Variants in TENM2 observed in about 807,000 individuals in gnomAD.
TENM2 encodes teneurin-2.
In TENM2, 52 loss-of-function variants were observed where a neutral mutation model predicts 245.2. The observed-to-expected ratio is 0.21, with a 90% CI of 0.17 to 0.27. TENM2 has a LOEUF of 0.27. Among genes scored for constraint, TENM2 ranks in the 10% least tolerant of loss-of-function variants. The probability of loss-of-function intolerance (pLI) is 1.00; values close to 1 mark genes in which losing one functional copy is unlikely to be tolerated. For synonymous variants in TENM2, 1,363 were observed against 1,438.9 expected (o/e 0.95, Z 1.19); for missense variants, 3,046 against 3,666.8 (o/e 0.83, Z 4.37).
the TENM2 span, among the ~76,000 whole-genome samples, chr5:167,150,135 G>A: frequency 6.6e-6 from 1 of 152,128 alleles, no homozygotes; most frequent in Admixed American, 6.5e-5. Context: ...CTGTGGGCCT[G>A]TGAGTCTTGA....
At chr5:167,033,967 C>T in the TENM2 span, among the ~76,000 whole-genome samples, 1 of 152,064 alleles carries the variant, frequency 6.6e-6, no homozygotes, top group African/African-American at 2.4e-5. Flanking sequence ...TTGTAGAACC[C>T]AGAGATTTTT....
At chr5:167,317,212 G>C (rs1756416000) in intron 1 of TENM2, among the ~76,000 whole-genome samples, 1 of 152,070 alleles carries the variant, frequency 6.6e-6, no homozygotes, top group Non-Finnish European at 1.5e-5. Context: ...CCCTTCAGTA[G>C]GTTCATGATT....
At chr5:167,962,141 T>C (rs1284844203) in intron 4 of TENM2, among the ~76,000 whole-genome samples, 1 of 152,226 alleles carries the variant, frequency 6.6e-6, no homozygotes, top group Non-Finnish European at 1.5e-5. Flanking sequence ...TTCCAGAATT[T>C]ACTTTCTGGT....
chr5:168,178,897 G>A (rs1383679153), intron 13 of TENM2, among the ~76,000 whole-genome samples: 1 of 152,112 alleles, frequency 6.6e-6, no homozygotes, highest in African/African-American at 2.4e-5. Flanking sequence ...GGCTTCGGGA[G>A]GCCGAGGCGG....
At chr5:167,264,833 A>G in the TENM2 span, among the ~76,000 whole-genome samples, 1 of 152,176 alleles carries the variant, frequency 6.6e-6, no homozygotes, top group African/African-American at 2.4e-5. Context: ...AGCAAGTTAA[A>G]CTGGCAGACT....
intron 3 of TENM2, among the ~76,000 whole-genome samples, chr5:167,901,486 T>C (rs1448731665): frequency 1.3e-5 from 2 of 152,194 alleles, no homozygotes; most frequent in Non-Finnish European, 2.9e-5. Flanking sequence ...GGTCTAGAGT[T>C]TGGGTTCTGA....
chr5:168,240,682 T>C (rs537304537), intron 25 of TENM2, among the ~76,000 whole-genome samples: 5 of 151,818 alleles, frequency 3.3e-5, no homozygotes, highest in African/African-American at 9.7e-5. Context: ...TGTTCAATAA[T>C]TAATAAATGC....
intron 3 of TENM2, among the ~76,000 whole-genome samples, chr5:167,935,947 G>A (rs931669080): frequency 3.3e-5 from 5 of 151,890 alleles, no homozygotes; most frequent in African/African-American, 7.2e-5. Flanking sequence ...ATATGTTGCC[G>A]AGCTGTGAGC....
At chr5:167,397,290 A>G (rs1226071950) in intron 2 of TENM2, among the ~76,000 whole-genome samples, 2 of 152,130 alleles carry the variant, frequency 1.3e-5, no homozygotes, top group Non-Finnish European at 2.9e-5. Flanking sequence ...AAACTCAAAA[A>G]AAATGAAAGA....
At chr5:167,349,700 A>T (rs1268468783) in intron 1 of TENM2, among the ~76,000 whole-genome samples, 2 of 152,156 alleles carry the variant, frequency 1.3e-5, no homozygotes, top group Non-Finnish European at 2.9e-5. Flanking sequence ...AAATATATGT[A>T]TATAGCCTGT....
chr5:167,059,765 G>A, the TENM2 span, among the ~76,000 whole-genome samples: 39 of 150,464 alleles, frequency 2.6e-4, no homozygotes, highest in East Asian at 7.1e-3. Flanking sequence ...GTGCAATGGC[G>A]TGATCTCAGC....
intron 2 of TENM2, among the ~76,000 whole-genome samples, chr5:167,857,858 G>C (rs534872938): frequency 6.6e-6 from 1 of 152,226 alleles, no homozygotes; most frequent in Non-Finnish European, 1.5e-5. Flanking sequence ...TTAAGTACTG[G>C]AGAGGAGTGT....
chr5:167,202,168 G>A, the TENM2 span, among the ~76,000 whole-genome samples: 1 of 152,048 alleles, frequency 6.6e-6, no homozygotes, highest in South Asian at 2.1e-4. Context: ...AAAATTTCTT[G>A]GATTCTATAA....
intron 25 of TENM2, among the ~76,000 whole-genome samples, chr5:168,228,738 C>T (rs889885192): frequency 6.6e-6 from 1 of 152,068 alleles, no homozygotes; most frequent in African/African-American, 2.4e-5. Context: ...GGGAAGATTT[C>T]CCAAGAGGAA....
At chr5:167,544,679 C>T (rs1772438335) in intron 2 of TENM2, among the ~76,000 whole-genome samples, 1 of 152,198 alleles carries the variant, frequency 6.6e-6, no homozygotes, top group Non-Finnish European at 1.5e-5. Context: ...ATCATTCACG[C>T]TTTCATTCAA....
chr5:168,227,806 A>C lies in TENM2; in HGVS notation c.5285-89A>C, dbSNP rs1581692772. ...TGGCTGCAAAGTACCATGGAAACCT[A>C]TTAAAAAAAAATAGGGGTTCTATTC... On this transcript the variant is annotated intron_variant, in intron 24 of 28. Transcript: ENST00000518659. The C allele has an allele frequency of 3.5e-6, 3 of 853,038 alleles. No homozygotes were observed. The South Asian group carries it at 5.9e-5, about 17-fold the overall frequency. 52.8% of individuals were successfully genotyped at this position (853,038 alleles called of 1,614,324 possible).
intron 2 of TENM2, among the ~76,000 whole-genome samples, chr5:167,644,261 A>G (rs1779792253): frequency 6.6e-6 from 1 of 152,262 alleles, no homozygotes; most frequent in Non-Finnish European, 1.5e-5. Flanking sequence ...ACTTGGTAAT[A>G]GGTGTTTCAC....
the TENM2 span, among the ~76,000 whole-genome samples, chr5:167,148,378 A>G: frequency 6.6e-6 from 1 of 152,226 alleles, no homozygotes; most frequent in East Asian, 1.9e-4. Context: ...GAAATATTAG[A>G]TAACTTGAGG....
the TENM2 span, among the ~76,000 whole-genome samples, chr5:167,268,474 G>C: frequency 6.6e-6 from 1 of 152,118 alleles, no homozygotes; most frequent in Non-Finnish European, 1.5e-5. Context: ...TGAATGCCTT[G>C]TTTGTGTTAA....
Sources: gnomAD v4.1 joint callset for allele counts (sites outside exome capture counted in the v4.1 genomes callset) on GRCh38, gnomAD v4.1.1 for gene constraint, MANE v1.5 for transcripts, NCBI Gene and HGNC (gene_info 2026-07-23, HGNC 2026-07-21) for gene names.